Variants in GRM1 observed in about 807,000 individuals in gnomAD.
The protein encoded by GRM1 is metabotropic glutamate receptor 1.
A neutral mutation model predicts 90.9 loss-of-function variants in GRM1; 33 were observed. The ratio of observed to expected loss-of-function variants is 0.36; its 90% CI spans 0.28 to 0.49. GRM1 has a LOEUF of 0.49. Among genes scored for constraint, GRM1 ranks in the 20% least tolerant of loss-of-function variants. The pLI, the probability that GRM1 is intolerant of heterozygous loss-of-function variation, is 0.99. For missense variants in GRM1, 1,190 were observed against 1,534.3 expected (o/e 0.78, Z 3.75); for synonymous variants, 700 against 613.2 (o/e 1.14, Z -2.09).
At chr6:146,422,181 C>T (rs948469238) in intron 7 of GRM1, among the ~76,000 whole-genome samples, 1 of 152,180 alleles carries the variant, frequency 6.6e-6, no homozygotes, top group African/African-American at 2.4e-5. Flanking sequence ...CGAAAACATG[C>T]AACTTCATAG....
At position 146,052,394 on chromosome 6, in the gene GRM1, G is replaced by A. The variant is rs373491649; in HGVS notation, c.700+22177G>A. Among the ~76,000 whole-genome samples, 3 of 151,956 alleles carry A rather than the reference G, an allele frequency of 2.0e-5. No individual in the cohort carries two copies. In the East Asian group the frequency reaches 5.8e-4, roughly 29 times the overall value. ...CTAGGGAGCTTTAAAACCTATAGAT[G>A]CCCAGCCCCAGCCGTGGAGGCTCTG... is the stretch of plus-strand genomic sequence containing the variant. On this transcript the variant is annotated intron_variant, in intron 1 of 7. Transcript: ENST00000282753.
At chr6:146,061,174 C>A (rs866303962) in intron 1 of GRM1, among the ~76,000 whole-genome samples, 4 of 152,124 alleles carry the variant, frequency 2.6e-5, no homozygotes, top group Middle Eastern at 3.4e-3. Context: ...TGTCCCAAAA[C>A]AATTACAATA....
intron 3 of GRM1, among the ~76,000 whole-genome samples, chr6:146,334,162 A>G (rs181623776): frequency 6.6e-6 from 1 of 152,268 alleles, no homozygotes; most frequent in East Asian, 1.9e-4. Context: ...CAGAACTCCA[A>G]GGGCACCATT....
Position 146,435,110 on chromosome 6 carries a change from A to G in GRM1, c.*314A>G, listed in dbSNP as rs1778555774. On this transcript the variant is annotated 3_prime_UTR_variant, in exon 8 of 8. Coordinates refer to ENST00000282753, the MANE Select transcript of GRM1 (RefSeq NM_001278064.2). ...TTATCACAAATCAAATAGTGACATC[A>G]CAAACATAATGTCCTCTTTTGCACA... The G allele has an allele frequency of 4.1e-6, 2 of 488,212 alleles. No individual in the cohort carries two copies. The highest frequency in any genetic ancestry group is 6.6e-5 in the Admixed American group (2 of 30,444). 30.2% of individuals were successfully genotyped at this position (488,212 alleles called of 1,614,324 possible). A position where few individuals can be genotyped will look rare whatever the true frequency, so the allele number is the denominator to read the frequency against.
intron 5 of GRM1, among the ~76,000 whole-genome samples, chr6:146,370,337 A>G (rs1775851627): frequency 6.6e-6 from 1 of 151,878 alleles, no homozygotes; most frequent in African/African-American, 2.4e-5. Context: ...ACAGCTCCTC[A>G]TGGGTAGTGA....
At chr6:146,274,418 AAATAATTTGTGG>A (rs1782282457) in intron 2 of GRM1, among the ~76,000 whole-genome samples, 1 of 152,256 alleles carries the variant, frequency 6.6e-6, no homozygotes, top group Non-Finnish European at 1.5e-5. Flanking sequence ...GAAATCAGTA[AAATAATTTGTGG>A]AAGTGATGCT....
At chr6:146,346,351 G>A (rs181106521) in intron 3 of GRM1, among the ~76,000 whole-genome samples, 8 of 152,302 alleles carry the variant, frequency 5.3e-5, no homozygotes, top group Admixed American at 2.6e-4. Context: ...AATAATAACC[G>A]TGATAATAAC....
At position 146,435,233 on chromosome 6, in the gene GRM1, G is replaced by A. The variant is rs994576645; in HGVS notation, c.*437G>A. The A allele has an allele frequency of 3.1e-6, 1 of 320,930 alleles. No homozygotes were observed. Among genetic ancestry groups the A allele is most frequent in the Non-Finnish European group, 6.0e-6 (1 of 167,036 alleles). 19.9% of individuals were successfully genotyped at this position (320,930 alleles called of 1,614,324 possible). ...CAGTCGGATCATGAGTTCACCTGAT[G>A]GCATTCGGAGTGAGCTGGTGGAGCC... On this transcript the variant is annotated 3_prime_UTR_variant, in exon 8 of 8. Coordinates refer to ENST00000282753, the MANE Select transcript of GRM1 (RefSeq NM_001278064.2).
chr6:146,232,176 A>C (rs1450238069), intron 2 of GRM1, among the ~76,000 whole-genome samples: 3 of 152,220 alleles, frequency 2.0e-5, no homozygotes, highest in African/African-American at 7.2e-5. Context: ...GGCATAACAA[A>C]GTACCACACA....
chr6:146,416,694 A>G (rs1777798234), intron 7 of GRM1, among the ~76,000 whole-genome samples: 1 of 152,172 alleles, frequency 6.6e-6, no homozygotes, highest in South Asian at 2.1e-4. Flanking sequence ...GTGGTTTTAT[A>G]AAACTTGTTC....
chr6:146,078,828 TG>T, intron 1 of GRM1, among the ~76,000 whole-genome samples: 1 of 152,174 alleles, frequency 6.6e-6, no homozygotes, highest in Non-Finnish European at 1.5e-5. Flanking sequence ...GTAAATAGGC[TG>T]TTTCTGGCCT....
intron 1 of GRM1, among the ~76,000 whole-genome samples, chr6:146,037,142 A>G (rs1422497728): frequency 6.6e-6 from 1 of 152,008 alleles, no homozygotes; most frequent in African/African-American, 2.4e-5. Flanking sequence ...AAGAACAAGA[A>G]GATGGTACCC....
At chr6:146,346,437 A>C (rs1183917638) in intron 3 of GRM1, among the ~76,000 whole-genome samples, 1 of 152,232 alleles carries the variant, frequency 6.6e-6, no homozygotes, top group Non-Finnish European at 1.5e-5. Context: ...TAATAAACTG[A>C]ATAGAAAATA....
intron 3 of GRM1, among the ~76,000 whole-genome samples, chr6:146,312,987 G>A (rs914336035): frequency 6.6e-6 from 1 of 152,148 alleles, no homozygotes; most frequent in Non-Finnish European, 1.5e-5. Flanking sequence ...CACATGTTCT[G>A]TCATCCAAAA....
intron 1 of GRM1, among the ~76,000 whole-genome samples, chr6:146,125,304 A>G (rs188291429): frequency 6.6e-6 from 1 of 152,258 alleles, no homozygotes; most frequent in Non-Finnish European, 1.5e-5. Flanking sequence ...TAATTTAGTT[A>G]TTAAATGTGA....
intron 1 of GRM1, among the ~76,000 whole-genome samples, chr6:146,038,994 G>T (rs926096154): frequency 3.3e-5 from 5 of 151,754 alleles, no homozygotes; most frequent in Non-Finnish European, 7.4e-5. Flanking sequence ...TGGTTAACAG[G>T]TACTACTCTA....
intron 1 of GRM1, among the ~76,000 whole-genome samples, chr6:146,142,954 AAAG>A (rs1776943674): frequency 6.6e-6 from 1 of 152,084 alleles, no homozygotes; most frequent in Non-Finnish European, 1.5e-5. Flanking sequence ...TGCTTTTCTC[AAAG>A]AAAGTAGTCT....
chr6:146,303,709 C>T (rs1193816243), intron 2 of GRM1, among the ~76,000 whole-genome samples: 1 of 152,150 alleles, frequency 6.6e-6, no homozygotes, highest in Admixed American at 6.5e-5. Context: ...TTTCCACTAG[C>T]TCACCCGGGA....
At chr6:146,117,986 T>C (rs1775820977) in intron 1 of GRM1, among the ~76,000 whole-genome samples, 1 of 152,066 alleles carries the variant, frequency 6.6e-6, no homozygotes, top group Non-Finnish European at 1.5e-5. Flanking sequence ...CTTAATACTC[T>C]GTCTCCTTTT....
Sources: gnomAD v4.1 joint callset for allele counts (sites outside exome capture counted in the v4.1 genomes callset) on GRCh38, gnomAD v4.1.1 for gene constraint, MANE v1.5 for transcripts, NCBI Gene and HGNC (gene_info 2026-07-23, HGNC 2026-07-21) for gene names.